Variants in FOXP1 observed in about 807,000 individuals in gnomAD.
FOXP1 encodes forkhead box P1.
FOXP1 carries 15 observed loss-of-function variants against 98.2 expected under a neutral mutation model. The observed-to-expected ratio is 0.15, with a 90% CI of 0.10 to 0.24. The LOEUF (loss-of-function observed/expected upper bound fraction) is 0.24, where lower values mean the gene tolerates loss of function less well. Among genes scored for constraint, FOXP1 ranks in the 10% least tolerant of loss-of-function variants. The probability of loss-of-function intolerance (pLI) is 1.00; values close to 1 mark genes in which losing one functional copy is unlikely to be tolerated. For missense variants in FOXP1, 633 were observed against 848.5 expected (o/e 0.75, Z 3.15); for synonymous variants, 371 against 314.5 (o/e 1.18, Z -1.90).
chr3:71,362,790 T>G (rs2078661956), intron 3 of FOXP1, among the ~76,000 whole-genome samples: 1 of 152,200 alleles, frequency 6.6e-6, no homozygotes, highest in South Asian at 2.1e-4. Context: ...TATTTAAAGT[T>G]AGTATTTTCC....
chr3:71,031,303 A>G (rs915299309), intron 11 of FOXP1, among the ~76,000 whole-genome samples: 3 of 152,228 alleles, frequency 2.0e-5, no homozygotes, highest in African/African-American at 4.8e-5. Context: ...TATAAAAGGA[A>G]TGAAATTTGA....
chr3:71,578,495 T>C (rs577329871), intron 2 of FOXP1, among the ~76,000 whole-genome samples: 1 of 152,244 alleles, frequency 6.6e-6, no homozygotes, highest in Non-Finnish European at 1.5e-5. Flanking sequence ...TGTCTAAATA[T>C]ACATACTTTT....
rs368546772 is a variant in FOXP1 at position 71,331,371 on chromosome 3, C to G, written c.-73+27779G>C. On this transcript the variant is annotated intron_variant, in intron 4 of 20. Transcript: ENST00000649528. The stretch of plus-strand genomic sequence containing the variant: ...CAGCCTTCCATGCCTGAGCCTCCCC[C>G]CTCCCCACCCCCCGCCATGGGCTCC... 7.4e-3 allele frequency among the ~76,000 whole-genome samples: 1,118 copies of G among 152,080 alleles called. 29 individuals carry two copies. The highest frequency in any genetic ancestry group is 4.7e-3 in the Non-Finnish European group (319 of 67,948).
chr3:71,432,129 T>C (rs1412300239), intron 3 of FOXP1, among the ~76,000 whole-genome samples: 1 of 152,206 alleles, frequency 6.6e-6, no homozygotes, highest in Admixed American at 6.5e-5. Context: ...CTGACATCAG[T>C]GTCCTCAAGA....
intron 4 of FOXP1, among the ~76,000 whole-genome samples, chr3:71,353,078 G>A (rs2077904181): frequency 6.6e-6 from 1 of 152,134 alleles, no homozygotes; most frequent in Non-Finnish European, 1.5e-5. Flanking sequence ...AACCTTTACT[G>A]ATCCCCTGGG....
At chr3:71,039,473 T>C (rs1233853409) in intron 11 of FOXP1, among the ~76,000 whole-genome samples, 1 of 152,142 alleles carries the variant, frequency 6.6e-6, no homozygotes, top group Non-Finnish European at 1.5e-5. Flanking sequence ...ACATAACCTT[T>C]TAGAAAATGA....
intron 9 of FOXP1, 152 bp from the exon 10 acceptor site, chr3:71,047,247 G>A (rs981576082): frequency 2.3e-6 from 2 of 863,554 alleles, no homozygotes; most frequent in Admixed American, 3.9e-5. Flanking sequence ...AAGGGACAAA[G>A]CATACCTCCT....
intron 5 of FOXP1, among the ~76,000 whole-genome samples, chr3:71,283,272 C>T (rs2071755100): frequency 1.3e-5 from 2 of 152,108 alleles, no homozygotes; most frequent in Non-Finnish European, 2.9e-5. Context: ...ATTCCCAGTG[C>T]CCCCAGTGTA....
At chr3:71,252,504 T>C (rs1239432188) in intron 5 of FOXP1, among the ~76,000 whole-genome samples, 1 of 152,124 alleles carries the variant, frequency 6.6e-6, no homozygotes, top group East Asian at 1.9e-4. Flanking sequence ...AGTATCTAAA[T>C]TGGTTCTCTG....
rs1317525759 is a variant in FOXP1 at position 70,956,523 on chromosome 3, T to TTTGA, written c.*2720_*2723dup. The stretch of plus-strand genomic sequence containing the variant: ...TTAAATTTTAATCATTCCCTAAAGG[T>TTTGA]TTGAACTGAGGTATGCGTACTAACA... On this transcript the variant is annotated 3_prime_UTR_variant, in exon 21 of 21. Transcript: ENST00000649528. 8.7e-6 allele frequency: 2 copies of TTTGA among 230,044 alleles called. No individual in the cohort carries two copies. The highest frequency in any genetic ancestry group is 5.7e-5 in the Admixed American group (1 of 17,570). The allele number at this position is 230,044 out of a possible 1,614,324, so 14.3% of individuals were successfully genotyped here. A position where few individuals can be genotyped will look rare whatever the true frequency, so the allele number is the denominator to read the frequency against.
chr3:71,437,004 T>C (rs1020278473), intron 3 of FOXP1, among the ~76,000 whole-genome samples: 6 of 152,166 alleles, frequency 3.9e-5, no homozygotes. Context: ...AATGGGCCAT[T>C]ACATACAAAG....
intron 5 of FOXP1, among the ~76,000 whole-genome samples, chr3:71,275,177 C>T (rs1541903): frequency 0.11 from 16,911 of 152,272 alleles, 1,070 homozygotes; most frequent in East Asian, 0.25. Context: ...CACTTGGTCA[C>T]TTAATATATA....
chr3:71,018,933 A>T (rs1391347875), intron 11 of FOXP1, among the ~76,000 whole-genome samples: 1 of 152,192 alleles, frequency 6.6e-6, no homozygotes, highest in Non-Finnish European at 1.5e-5. Context: ...GCTATGCAGG[A>T]CTTGATTTCC....
chr3:71,391,924 A>C (rs778214642), intron 3 of FOXP1, among the ~76,000 whole-genome samples: 44 of 152,326 alleles, frequency 2.9e-4, no homozygotes, highest in Middle Eastern at 3.4e-3. Flanking sequence ...GTTCAGGGGT[A>C]CAGGGTAAAG....
In FOXP1 at chr3:71,314,530, A is replaced by ATATATATATATAT. The variant is rs1553839965; in HGVS notation, c.-72-14651_-72-14650insATATATATATATA. Reference sequence around the variant, plus strand: ...TGACAGAGTAAGACTCCGTCTAAAAAATATATATATATATATATATATCTG... The same window carrying ATATATATATATAT: ...TGACAGAGTAAGACTCCGTCTAAAAATATATATATATATATATATATATATATATATATATCTG... On this transcript the variant is annotated intron_variant, in intron 4 of 20. Coordinates refer to ENST00000649528, the MANE Select transcript of FOXP1 (RefSeq NM_001349338.3). 4.0e-3 allele frequency among the ~76,000 whole-genome samples: 574 copies of ATATATATATATAT among 143,292 alleles called. 2 individuals are homozygous for ATATATATATATAT. The highest frequency in any genetic ancestry group is 5.2e-3 in the Non-Finnish European group (345 of 65,736). The allele number at this position is 143,292 out of a possible 152,430, so 94.0% of individuals were successfully genotyped here.
intron 5 of FOXP1, chr3:71,289,863 G>C (rs1195914088): frequency 6.6e-6 from 1 of 151,834 alleles, no homozygotes; most frequent in Non-Finnish European, 1.5e-5. Flanking sequence ...ATGTTGCCCA[G>C]GTTGATCTCA....
chr3:71,303,886 G>A (rs1258069809), intron 4 of FOXP1, among the ~76,000 whole-genome samples: 1 of 152,108 alleles, frequency 6.6e-6, no homozygotes, highest in Non-Finnish European at 1.5e-5. Context: ...AGAAAAGGAA[G>A]GAAGAAGCTG....
At chr3:71,430,527 G>C (rs1341314579) in intron 3 of FOXP1, among the ~76,000 whole-genome samples, 2 of 151,468 alleles carry the variant, frequency 1.3e-5, no homozygotes, top group African/African-American at 4.9e-5. Flanking sequence ...AAAAAAAACA[G>C]GAGTCATCCG....
chr3:71,350,695 T>C (rs891990699), intron 4 of FOXP1, among the ~76,000 whole-genome samples: 5 of 152,186 alleles, frequency 3.3e-5, no homozygotes, highest in African/African-American at 4.8e-5. Context: ...AAAACTCCCA[T>C]AGATGACATT....
Sources: gnomAD v4.1 joint callset for allele counts (sites outside exome capture counted in the v4.1 genomes callset) on GRCh38, gnomAD v4.1.1 for gene constraint, MANE v1.5 for transcripts, NCBI Gene and HGNC (gene_info 2026-07-23, HGNC 2026-07-21) for gene names.